Variants in PARP6 observed in about 807,000 individuals in gnomAD.
PARP6 encodes poly(ADP-ribose) polymerase family member 6.
In PARP6, 27 loss-of-function variants were observed where a neutral mutation model predicts 92.0. The ratio of observed to expected loss-of-function variants is 0.29; its 90% CI spans 0.22 to 0.40. PARP6 has a LOEUF of 0.40. Ranked by LOEUF, PARP6 falls within the 10% of genes least tolerant of loss-of-function variation. The pLI, the probability that PARP6 is intolerant of heterozygous loss-of-function variation, is 1.00. For missense variants in PARP6, 501 were observed against 784.5 expected (o/e 0.64, Z 4.32); for synonymous variants, 272 against 281.2 (o/e 0.97, Z 0.33).
rs1297534473 is a variant in PARP6, at chr15:72,265,927, T to C, written c.146A>G (p.Glu49Gly). Residue 49 changes from glutamate to glycine, a missense_variant, in exon 5 of 24, where the codon GAG (glutamate) becomes GGG (glycine). Physicochemically the swap from Glu to Gly is moderately conservative, Grantham distance 98. Around this residue, in one of 4 missense-constraint regions of PARP6, gnomAD observed 291 missense variants for 352.0 expected, o/e 0.83. Transcript: ENST00000569795. ...QLDADIEAVKEIYSENSVSIR... is the reference protein window; with the variant it reads ...QLDADIEAVKGIYSENSVSIR... The stretch of plus-strand genomic sequence containing the variant: ...GGATACAGAGTTCTCACTGTAGATC[T>C]CCTTCACGGCTTCAATGTCTGCATC... The C allele has an allele frequency of 6.2e-7, 1 of 1,613,926 alleles. No individual in the cohort carries two copies. Among genetic ancestry groups the C allele is most frequent in the Non-Finnish European group, 8.5e-7 (1 of 1,179,834 alleles).
chr15:72,268,529 T>C (rs1215134246), intron 2 of PARP6, among the ~76,000 whole-genome samples: 1 of 152,226 alleles, frequency 6.6e-6, no homozygotes, highest in Non-Finnish European at 1.5e-5. Flanking sequence ...TGAAACCCCG[T>C]CTCTACCAAA....
chr15:72,272,169 A>T (rs560603307), intron 1 of PARP6: 1 of 152,302 alleles, frequency 6.6e-6, no homozygotes, highest in South Asian at 2.1e-4. Flanking sequence ...CCCCGCGAAA[A>T]CACTCTCTGG....
At chr15:72,266,419 C>T (rs1013581588) in intron 4 of PARP6, among the ~76,000 whole-genome samples, 7 of 152,104 alleles carry the variant, frequency 4.6e-5, no homozygotes, top group Admixed American at 2.6e-4. Flanking sequence ...ATTAAGCAAA[C>T]GCTGGCAGAG....
At chr15:72,253,766 A>G in intron 15 of PARP6, 2 of 630,318 alleles carry the variant, frequency 3.2e-6, no homozygotes, top group Non-Finnish European at 5.9e-6. Context: ...TACAGCCCTA[A>G]AAAGTTGATT....
At chr15:72,255,450 C>T (rs1276200735) in intron 14 of PARP6, among the ~76,000 whole-genome samples, 1 of 151,952 alleles carries the variant, frequency 6.6e-6, no homozygotes, top group Non-Finnish European at 1.5e-5. Context: ...GACAGGGTTT[C>T]ACCATGTTGG....
At chr15:72,266,958 C>T in intron 3 of PARP6, 136 bp from the exon 4 acceptor site, 1 of 681,212 alleles carries the variant, frequency 1.5e-6, no homozygotes, top group Non-Finnish European at 2.6e-6. Flanking sequence ...GATCCCTTTA[C>T]ACCTTTCATG....
At chr15:72,270,917 TC>T (rs1407403362) in intron 2 of PARP6, 105 bp downstream of exon 2, 16 of 152,334 alleles carry the variant, frequency 1.1e-4, no homozygotes, top group African/African-American at 3.8e-4. Context: ...GAATGAACCC[TC>T]TGCTGGATAC....
At chr15:72,260,329 G>T in intron 10 of PARP6, 149 bp downstream of exon 10, 1 of 645,324 alleles carries the variant, frequency 1.5e-6, no homozygotes. Context: ...AAAAAGAAGT[G>T]TTCCATTCTA....
At chr15:72,250,432 A>G (rs2084193579) in intron 18 of PARP6, 1 of 317,442 alleles carries the variant, frequency 3.2e-6, no homozygotes, top group Admixed American at 4.3e-5. Context: ...CTGACCCCAA[A>G]TATGGCTTCC....
chr15:72,241,687 G>A lies in PARP6; in HGVS notation c.1791-130C>T, dbSNP rs898446289. 2 of 788,244 alleles carry A rather than the reference G, an allele frequency of 2.5e-6. No homozygotes were observed. The highest frequency in any genetic ancestry group is 4.2e-6 in the Non-Finnish European group (2 of 471,546). The allele number at this position is 788,244 out of a possible 1,614,324, so 48.8% of individuals were successfully genotyped here. On this transcript the variant is annotated intron_variant, in intron 23 of 23. Transcript: ENST00000569795. This position sits in a 1 kb window ranked among gnomAD's most constrained non-coding sequence, Gnocchi z 4.1. ...CAAAGCCCTTTCTCACTGCTTCATA[G>A]TGGAAGATATTCAGCTTATCTGGTT...
At chr15:72,258,593 A>G (rs1340690519) in intron 11 of PARP6, among the ~76,000 whole-genome samples, 1 of 152,256 alleles carries the variant, frequency 6.6e-6, no homozygotes, top group African/African-American at 2.4e-5. Context: ...AATCAATTAG[A>G]TGGCAGAAGG....
intron 5 of PARP6, 118 bp from the exon 6 acceptor site, chr15:72,265,591 T>G: frequency 1.2e-6 from 1 of 802,298 alleles, no homozygotes; most frequent in Non-Finnish European, 2.2e-6. Context: ...TGGATGACAG[T>G]TTTGTACCTA....
At chr15:72,252,858 C>T (rs969914380) in intron 16 of PARP6, among the ~76,000 whole-genome samples, 11 of 152,066 alleles carry the variant, frequency 7.2e-5, no homozygotes, top group Non-Finnish European at 1.5e-4. Context: ...AAACCTATTG[C>T]GAAACATGGA....
rs372131215 is a variant in PARP6 at position 72,265,419 on chromosome 15, G to A, written c.231C>T (p.Phe77=). 1.9e-6 allele frequency: 3 copies of A among 1,612,924 alleles called. No homozygotes were observed. The African/African-American group carries it at 4.0e-5, about 22-fold the overall frequency. ...VDIDLHINIS[F]LDEEVSTAWK... ...AGGTACTAGCCCCACTTACATCGAG[G>A]AAGCTGATGTTGATGTGGAGGTCAA... The change falls in exon 6 of 24, where the codon TTC becomes TTT. Residue 77 remains phenylalanine, a synonymous_variant. Coordinates refer to ENST00000569795, the MANE Select transcript of PARP6 (RefSeq NM_001323532.2).
In PARP6 at chr15:72,241,792, G is replaced by A. The variant is rs2083084306; in HGVS notation, c.1790+109C>T. ...TCCCAGTGACAGCTCCACTCAGGTA[G>A]CCAAGGACATGTCTCAGATAACAGA... On this transcript the variant is annotated intron_variant, in intron 23 of 23. Coordinates refer to ENST00000569795, the MANE Select transcript of PARP6 (RefSeq NM_001323532.2). The surrounding 1 kb of genome is among the most constrained non-coding windows in gnomAD (Gnocchi z 4.1). The A allele has an allele frequency of 1.1e-6, 1 of 878,162 alleles. No homozygotes were observed. The highest frequency in any genetic ancestry group is 1.6e-5 in the African/African-American group (1 of 61,064). 54.4% of individuals were successfully genotyped at this position (878,162 alleles called of 1,614,324 possible). A position where few individuals can be genotyped will look rare whatever the true frequency, so the allele number is the denominator to read the frequency against.
chr15:72,268,533 T>C lies in PARP6; in HGVS notation c.-194-862A>G, dbSNP rs550867874. Among the ~76,000 whole-genome samples, 76 of 152,358 alleles carry C rather than the reference T, an allele frequency of 5.0e-4. 2 individuals are homozygous for C. In the Middle Eastern group the frequency reaches 0.014, roughly 27 times the overall value. Reference sequence around the variant, plus strand: ...GACCAATGGGGTGAAACCCCGTCTCTACCAAAAATACAAACTTAGCTGGGT... The same window carrying C: ...GACCAATGGGGTGAAACCCCGTCTCCACCAAAAATACAAACTTAGCTGGGT... On this transcript the variant is annotated intron_variant, in intron 2 of 23. Transcript: ENST00000569795.
intron 19 of PARP6, 68 bp downstream of exon 19, chr15:72,249,952 C>T: frequency 9.8e-7 from 1 of 1,016,182 alleles, no homozygotes; most frequent in Non-Finnish European, 1.6e-6. Flanking sequence ...TACTCTAGAG[C>T]AGCCTTCCAC....
intron 20 of PARP6, among the ~76,000 whole-genome samples, chr15:72,247,592 A>T (rs927749168): frequency 1.3e-5 from 2 of 152,146 alleles, no homozygotes; most frequent in African/African-American, 4.8e-5. Flanking sequence ...AAAGTTTAAG[A>T]TTAATTTGTA....
chr15:72,267,139 A>G, intron 3 of PARP6: 1 of 522,204 alleles, frequency 1.9e-6, no homozygotes, highest in Non-Finnish European at 3.4e-6. Flanking sequence ...TTCAATGTCA[A>G]GGTTGACTCC....
Sources: gnomAD v4.1 joint callset for allele counts (sites outside exome capture counted in the v4.1 genomes callset) on GRCh38, gnomAD v4.1.1 for gene constraint, gnomAD v4.1.1 regional missense constraint, Gnocchi (gnomAD v3.1) non-coding constraint, MANE v1.5 for transcripts, NCBI Gene and HGNC (gene_info 2026-07-23, HGNC 2026-07-21) for gene names.